Variants in HMG20B observed in about 807,000 individuals in gnomAD.
HMG20B encodes SWI/SNF-related matrix-associated actin-dependent regulator of chromatin subfamily E member 1-related.
A neutral mutation model predicts 41.6 loss-of-function variants in HMG20B; 24 were observed. The ratio of observed to expected loss-of-function variants is 0.58; its 90% CI spans 0.42 to 0.81. The LOEUF (loss-of-function observed/expected upper bound fraction) is 0.81, where lower values mean the gene tolerates loss of function less well. Ranked by LOEUF, HMG20B falls within the 30% of genes least tolerant of loss-of-function variation. The pLI is 0.00. For synonymous variants in HMG20B, 251 were observed against 186.6 expected, an observed-to-expected ratio of 1.34 and a Z score of -2.81; for missense variants, 461 against 444.0, an observed-to-expected ratio of 1.04 and a Z score of -0.34.
rs1337801690 is a variant in HMG20B at position 3,576,845 on chromosome 19, A to G, written c.593-47A>G. The stretch of plus-strand genomic sequence containing the variant: ...ACGTCCCGGGCAAAAGCCCGGAGGT[A>G]GGGGAAAGGGGAGGCGCAGGCTTTG... On this transcript the variant is annotated intron_variant, in intron 7 of 9. Coordinates refer to ENST00000333651, the MANE Select transcript of HMG20B (RefSeq NM_006339.3). 2.6e-6 allele frequency: 4 copies of G among 1,538,490 alleles called. No homozygotes were observed. In the African/African-American group the frequency reaches 5.5e-5, roughly 21 times the overall value.
chr19:3,574,119 C>T, intron 3 of HMG20B: 1 of 624,172 alleles, frequency 1.6e-6, no homozygotes, highest in Non-Finnish European at 2.9e-6. Flanking sequence ...GCAGAGGCCA[C>T]GCCCACAACC....
At chr19:3,577,723 C>T (rs928142290) in intron 8 of HMG20B, among the ~76,000 whole-genome samples, 1 of 148,206 alleles carries the variant, frequency 6.7e-6, no homozygotes, top group Non-Finnish European at 1.5e-5. Flanking sequence ...TCCCCGACCT[C>T]GTTCCCTCCG....
rs1454879010 is a variant in HMG20B, at chr19:3,575,616, A to G, written c.428A>G (p.Tyr143Cys). Reference protein sequence around the residue: ...ELRAYQQSEAYKMCTEKIQEK... With the variant: ...ELRAYQQSEACKMCTEKIQEK... The stretch of plus-strand genomic sequence containing the variant: ...CGGGCGTACCAGCAGTCTGAAGCCT[A>G]TAAGATGTGCACGGAGAAGATCCAG... The change falls in exon 5 of 10, where the codon TAT (tyrosine) becomes TGT (cysteine). Residue 143 changes from tyrosine (Y) to cysteine (C), a missense_variant. Transcript: ENST00000333651. 9.7e-6 allele frequency: 15 copies of G among 1,552,114 alleles called. No individual in the cohort carries two copies. The highest frequency in any genetic ancestry group is 2.4e-5 in the East Asian group (1 of 40,950).
At chr19:3,577,914 C>T (rs1172131909) in intron 8 of HMG20B, 67 bp from the exon 9 acceptor site, 28 of 1,445,522 alleles carry the variant, frequency 1.9e-5, no homozygotes, top group Middle Eastern at 2.4e-4. Flanking sequence ...CCCCCTACCG[C>T]TGCCCCTGGA....
At chr19:3,577,170 CCTCCT>C in intron 8 of HMG20B, 63 bp downstream of exon 8, 1 of 1,167,214 alleles carries the variant, frequency 8.6e-7, no homozygotes, top group Non-Finnish European at 1.2e-6. Flanking sequence ...CCTCCCCCCC[CCTCCT>C]CCCTTCCCCC....
chr19:3,578,360 C>A, intron 9 of HMG20B, 149 bp from the exon 10 acceptor site: 1 of 1,255,276 alleles, frequency 8.0e-7, no homozygotes, highest in Non-Finnish European at 1.1e-6. Context: ...TGGATCCCAG[C>A]GCCCGGGTTA....
At chr19:3,575,357 G>C in intron 4 of HMG20B, 183 bp from the exon 5 acceptor site, 1 of 1,010,648 alleles carries the variant, frequency 9.9e-7, no homozygotes, top group Non-Finnish European at 1.4e-6. Context: ...GGCATGGGAA[G>C]TGAGGTGGGA....
chr19:3,578,685 G>T lies in HMG20B; in HGVS notation c.*164G>T. On this transcript the variant is annotated 3_prime_UTR_variant, in exon 10 of 10. Transcript: ENST00000333651. Reference sequence around the variant, plus strand: ...ATTAAATTTCTGCAGCATCCCTTTAGCTTTCAATCTCCCCAGCCCCCTGAA... The same window carrying T: ...ATTAAATTTCTGCAGCATCCCTTTATCTTTCAATCTCCCCAGCCCCCTGAA... 1.1e-6 allele frequency: 1 copy of T among 911,354 alleles called. No individual in the cohort carries two copies. Among genetic ancestry groups the T allele is most frequent in the East Asian group, 2.6e-5 (1 of 38,436 alleles). The allele number at this position is 911,354 out of a possible 1,614,324, so 56.5% of individuals were successfully genotyped here.
At chr19:3,577,956 C>A (rs765613960) in intron 8 of HMG20B, 25 bp from the exon 9 acceptor site, 1 of 1,563,876 alleles carries the variant, frequency 6.4e-7, no homozygotes, top group Non-Finnish European at 8.6e-7. Flanking sequence ...GGCACCCTCG[C>A]CTGACCTTCC....
At chr19:3,573,649 G>A (rs1377057368) in intron 2 of HMG20B, 43 bp from the exon 3 acceptor site, 3 of 1,443,270 alleles carry the variant, frequency 2.1e-6, no homozygotes, top group Non-Finnish European at 1.8e-6. Flanking sequence ...TGGGGGAGGG[G>A]AGATTCTTGG....
intron 2 of HMG20B, 51 bp from the exon 3 acceptor site, chr19:3,573,641 G>T: frequency 3.5e-6 from 5 of 1,427,366 alleles, no homozygotes; most frequent in Non-Finnish European, 4.6e-6. Flanking sequence ...TGGGCTTTTG[G>T]GGGAGGGGAG....
In HMG20B at chr19:3,573,740, T is replaced by C; in HGVS notation, c.87T>C (p.Thr29=). 1 of 1,541,860 alleles carries C rather than the reference T, an allele frequency of 6.5e-7. No individual in the cohort carries two copies. The highest frequency in any genetic ancestry group is 2.1e-5 in the Admixed American group (1 of 46,848). ...APGQHGGFVV[T]VKQERGEGPR... ...GCCAGCATGGGGGCTTCGTGGTGACTGTCAAGCAAGAGCGCGGCGAGGGTC... is the reference window on the plus strand; with the variant it reads ...GCCAGCATGGGGGCTTCGTGGTGACCGTCAAGCAAGAGCGCGGCGAGGGTC... Residue 29 remains threonine, a synonymous_variant, in exon 3 of 10, where the codon ACT becomes ACC. Transcript: ENST00000333651.
At chr19:3,578,134 G>C in intron 9 of HMG20B, 21 bp downstream of exon 9, 1 of 1,605,708 alleles carries the variant, frequency 6.2e-7, no homozygotes. Context: ...GGCGAGGCGG[G>C]GCGGGGCCGG....
chr19:3,574,571 G>C lies in HMG20B; in HGVS notation c.336G>C (p.Gln112His), dbSNP rs1281778176. Residue 112 changes from glutamine to histidine, a missense_variant, in exon 4 of 10, where the codon CAG (glutamine) becomes CAC (histidine). Physicochemically the swap from Gln to His is conservative, Grantham distance 24 (BLOSUM62 0). This residue lies in a region of HMG20B where 308 missense variants were observed against 283.4 expected (regional missense o/e 1.09). Coordinates refer to ENST00000333651, the MANE Select transcript of HMG20B (RefSeq NM_006339.3). ...TGGGCGCCGAGTGGAGCAAGCTGCA[G>C]CCAACGGAAAAGCAGGTGGGCGGGG... ...KMLGAEWSKL[Q>H]PTEKQRYLDE... The C allele has an allele frequency of 6.2e-7, 1 of 1,600,246 alleles. No homozygotes were observed. Among genetic ancestry groups the C allele is most frequent in the South Asian group, 1.1e-5 (1 of 89,492 alleles).
rs564002469 is a variant in HMG20B at position 3,578,539 on chromosome 19, G to A, written c.*18G>A. On this transcript the variant is annotated 3_prime_UTR_variant, in exon 10 of 10. Coordinates refer to ENST00000333651, the MANE Select transcript of HMG20B (RefSeq NM_006339.3). ...ACCTGTGAGGAGTGGGCGGGCCCAC[G>A]ATGCAGAGGAGAAGCTGTGGGCGCG... The A allele has an allele frequency of 4.0e-5, 63 of 1,568,486 alleles. No individual in the cohort carries two copies. In the Admixed American group the frequency reaches 8.8e-4, roughly 22 times the overall value.
chr19:3,573,655 C>G, intron 2 of HMG20B, 37 bp from the exon 3 acceptor site: 2 of 1,456,532 alleles, frequency 1.4e-6, no homozygotes, highest in East Asian at 5.2e-5. Context: ...AGGGGAGATT[C>G]TTGGGACGGG....
At chr19:3,573,446 T>C in intron 2 of HMG20B, 99 bp downstream of exon 2, 2 of 1,280,828 alleles carry the variant, frequency 1.6e-6, no homozygotes, top group Non-Finnish European at 2.1e-6. Flanking sequence ...GAGTCTTGAC[T>C]CCCCCACCTG....
intron 4 of HMG20B, 94 bp from the exon 5 acceptor site, chr19:3,575,446 G>A (rs1036744437): frequency 2.0e-6 from 3 of 1,529,510 alleles, no homozygotes; most frequent in East Asian, 2.5e-5. Flanking sequence ...GAAGGTTCAG[G>A]AGAGGGGAGG....
intron 5 of HMG20B, 82 bp from the exon 6 acceptor site, chr19:3,576,179 G>A (rs1161814700): frequency 7.8e-6 from 10 of 1,283,016 alleles, no homozygotes; most frequent in East Asian, 2.3e-5. Context: ...GCTGGAGCCG[G>A]CTGAGCAGCG....
Sources: allele counts gnomAD v4.1 joint callset (sites outside exome capture counted in the v4.1 genomes callset), GRCh38; gene constraint gnomAD v4.1.1; regional missense constraint gnomAD v4.1.1; transcripts MANE v1.5; gene names NCBI Gene and HGNC (gene_info 2026-07-23, HGNC 2026-07-21).